The following CNTNAP2 variants were observed in gnomAD, a reference collection of about 807,000 sequenced individuals.
CNTNAP2 encodes the protein contactin associated protein 2.
In CNTNAP2, 98 loss-of-function variants were observed where a neutral mutation model predicts 155.2. The ratio of observed to expected loss-of-function variants is 0.63; its 90% CI spans 0.54 to 0.75. The LOEUF is 0.75. Among genes scored for constraint, CNTNAP2 ranks in the 30% least tolerant of loss-of-function variants. The pLI is 0.00. For synonymous variants in CNTNAP2, 651 were observed against 631.2 expected (o/e 1.03, Z -0.47); for missense variants, 1,727 against 1,688.1 (o/e 1.02, Z -0.40).
At chr7:148,413,401 A>AAAAAATATATATAT (rs1442990213) in intron 23 of CNTNAP2, among the ~76,000 whole-genome samples, 3 of 45,364 alleles carry the variant, frequency 6.6e-5, no homozygotes, top group African/African-American at 3.8e-4. Context: ...TCAAAAAAAA[A>AAAAAATATATATAT]ATATATATAT....
At chr7:148,236,531 A>G (rs557096343) in intron 20 of CNTNAP2, among the ~76,000 whole-genome samples, 1 of 152,196 alleles carries the variant, frequency 6.6e-6, no homozygotes, top group Non-Finnish European at 1.5e-5. Flanking sequence ...ACACACGACC[A>G]TTCTGTCTCT....
intron 1 of CNTNAP2, among the ~76,000 whole-genome samples, chr7:146,723,764 T>C (rs926203915): frequency 1.3e-5 from 2 of 152,182 alleles, no homozygotes; most frequent in African/African-American, 4.8e-5. Flanking sequence ...GAGAAGACAT[T>C]ATGAAAGTTG....
intron 1 of CNTNAP2, among the ~76,000 whole-genome samples, chr7:146,351,588 A>C (rs1311110160): frequency 6.6e-6 from 1 of 152,128 alleles, no homozygotes; most frequent in Non-Finnish European, 1.5e-5. Context: ...AAACCCCTCA[A>C]CTAAACCTCT....
intron 2 of CNTNAP2, among the ~76,000 whole-genome samples, chr7:146,792,283 C>G (rs1033874931): frequency 2.6e-5 from 4 of 151,806 alleles, no homozygotes; most frequent in South Asian, 2.1e-4. Context: ...AAAAAACACT[C>G]TGCTACATGT....
chr7:148,418,335 T>C lies in CNTNAP2; in HGVS notation c.*2719T>C, dbSNP rs2116736157. 6.6e-6 allele frequency: 1 copy of C among 152,360 alleles called. No homozygotes were observed. Among genetic ancestry groups the C allele is most frequent in the Admixed American group, 6.5e-5 (1 of 15,302 alleles). 9.4% of individuals were successfully genotyped at this position (152,360 alleles called of 1,614,324 possible). Reference sequence around the variant, plus strand: ...AAGCTCTCAGTGCCTAATCCTGCTTTGTCATTCACATCTCACAAAATCTTG... The same window carrying C: ...AAGCTCTCAGTGCCTAATCCTGCTTCGTCATTCACATCTCACAAAATCTTG... On this transcript the variant is annotated 3_prime_UTR_variant, in exon 24 of 24. Coordinates refer to ENST00000361727, the MANE Select transcript of CNTNAP2 (RefSeq NM_014141.6).
At chr7:146,900,858 A>AT (rs975639978) in intron 3 of CNTNAP2, among the ~76,000 whole-genome samples, 1 of 152,144 alleles carries the variant, frequency 6.6e-6, no homozygotes, top group African/African-American at 2.4e-5. Context: ...AGACCATCTT[A>AT]TTCATTCACT....
At chr7:146,588,390 T>C (rs934388483) in intron 1 of CNTNAP2, among the ~76,000 whole-genome samples, 1 of 152,214 alleles carries the variant, frequency 6.6e-6, no homozygotes, top group Non-Finnish European at 1.5e-5. Context: ...TAAATCTTCA[T>C]GTGTAGACTG....
intron 12 of CNTNAP2, among the ~76,000 whole-genome samples, chr7:147,571,130 A>G (rs1010201541): frequency 1.3e-5 from 2 of 151,870 alleles, no homozygotes; most frequent in East Asian, 1.9e-4. Flanking sequence ...TTTTTTTATT[A>G]TTATTATACT....
At chr7:147,959,101 C>A (rs541869310) in intron 14 of CNTNAP2, among the ~76,000 whole-genome samples, 6 of 152,260 alleles carry the variant, frequency 3.9e-5, no homozygotes, top group African/African-American at 1.4e-4. Flanking sequence ...ACTTGTATTT[C>A]TCCATGCCAT....
intron 4 of CNTNAP2, among the ~76,000 whole-genome samples, chr7:147,064,714 G>T (rs10227296): frequency 0.22 from 34,176 of 151,954 alleles, 3,949 homozygotes; most frequent in East Asian, 0.3. Flanking sequence ...CTTAAATAAA[G>T]AATAATAAAG....
At chr7:147,360,155 GC>G (rs752377094) in intron 9 of CNTNAP2, among the ~76,000 whole-genome samples, 2 of 152,018 alleles carry the variant, frequency 1.3e-5, no homozygotes, top group Non-Finnish European at 2.9e-5. Flanking sequence ...ATGGCTTCAA[GC>G]TTTGACCTAA....
chr7:147,359,764 C>A (rs926194907), intron 9 of CNTNAP2, among the ~76,000 whole-genome samples: 1 of 152,038 alleles, frequency 6.6e-6, no homozygotes, highest in African/African-American at 2.4e-5. Context: ...CCAAATGTCA[C>A]CTTCTTGATG....
intron 1 of CNTNAP2, among the ~76,000 whole-genome samples, chr7:146,403,976 T>G (rs1382453529): frequency 2.0e-5 from 3 of 151,154 alleles, no homozygotes; most frequent in Non-Finnish European, 4.4e-5. Flanking sequence ...ATACAAAAAA[T>G]TAGCCGGGCG....
intron 1 of CNTNAP2, among the ~76,000 whole-genome samples, chr7:146,124,789 T>C (rs755926132): frequency 1.3e-5 from 2 of 152,184 alleles, no homozygotes; most frequent in African/African-American, 2.4e-5. Context: ...TATGTATTCA[T>C]AGCAACAATA....
intron 14 of CNTNAP2, among the ~76,000 whole-genome samples, chr7:147,953,323 T>C (rs1387225343): frequency 6.6e-6 from 1 of 152,140 alleles, no homozygotes; most frequent in Non-Finnish European, 1.5e-5. Flanking sequence ...AAAGACAAGC[T>C]CATGTAGTCA....
intron 18 of CNTNAP2, among the ~76,000 whole-genome samples, chr7:148,211,697 C>G (rs942250808): frequency 1.7e-4 from 26 of 152,142 alleles, no homozygotes; most frequent in African/African-American, 6.0e-4. Context: ...GGGTTCTTAC[C>G]TTAAGAATAA....
intron 13 of CNTNAP2, among the ~76,000 whole-genome samples, chr7:147,851,533 C>A (rs1350417823): frequency 6.6e-6 from 1 of 152,112 alleles, no homozygotes; most frequent in African/African-American, 2.4e-5. Flanking sequence ...AAATATCCAT[C>A]AATGATAGAC....
chr7:146,614,285 A>T (rs1799187821), intron 1 of CNTNAP2, among the ~76,000 whole-genome samples: 1 of 152,214 alleles, frequency 6.6e-6, no homozygotes, highest in Non-Finnish European at 1.5e-5. Flanking sequence ...TGTAAGCTTT[A>T]TTTTTATAAA....
intron 1 of CNTNAP2, among the ~76,000 whole-genome samples, chr7:146,422,249 A>G (rs1796023040): frequency 6.6e-6 from 1 of 151,074 alleles, no homozygotes. Flanking sequence ...ATTACAGAAA[A>G]CATTGCAATA....
Sources: allele counts gnomAD v4.1 joint callset (sites outside exome capture counted in the v4.1 genomes callset), GRCh38; gene constraint gnomAD v4.1.1; transcripts MANE v1.5; gene names NCBI Gene and HGNC (gene_info 2026-07-23, HGNC 2026-07-21).